PAX7: variants seen among roughly 807,000 people sequenced by gnomAD.
PAX7 encodes paired box protein Pax-7.
PAX7 carries 18 observed loss-of-function variants against 50.7 expected under a neutral mutation model. The observed-to-expected ratio is 0.36, with a 90% CI of 0.25 to 0.53. PAX7 has a LOEUF of 0.53. Ranked by LOEUF, PAX7 falls within the 20% of genes least tolerant of loss-of-function variation. The probability of loss-of-function intolerance (pLI) is 0.93; values close to 1 mark genes in which losing one functional copy is unlikely to be tolerated. For missense variants in PAX7, 644 were observed against 702.9 expected (o/e 0.92, Z 0.95); for synonymous variants, 310 against 290.4 (o/e 1.07, Z -0.69).
chr1:18,656,521 A>G (rs2088524911), intron 4 of PAX7, among the ~76,000 whole-genome samples: 1 of 151,836 alleles, frequency 6.6e-6, no homozygotes, highest in South Asian at 2.1e-4. Context: ...AATAAAATGT[A>G]ACAGGCGGCT....
chr1:18,703,091 C>T lies in PAX7; in HGVS notation c.953-3C>T, dbSNP rs1192276455. 4.3e-6 allele frequency: 7 copies of T among 1,612,956 alleles called. No individual in the cohort carries two copies. Among genetic ancestry groups the T allele is most frequent in the Non-Finnish European group, 5.9e-6 (7 of 1,179,458 alleles). ...TTAGGACCTCTCTTGGGTCTCTCTA[C>T]AGATGGGGGCAGCACTGTGCACCGG... is the stretch of plus-strand genomic sequence containing the variant. On this transcript the variant is annotated splice_polypyrimidine_tract_variant and splice_region_variant and intron_variant, in intron 6 of 8. Coordinates refer to ENST00000420770, the MANE Select transcript of PAX7 (RefSeq NM_001135254.2).
chr1:18,688,500 G>GTAGC lies in PAX7; in HGVS notation c.587-3250_587-3247dup, dbSNP rs1247895876. On this transcript the variant is annotated intron_variant, in intron 4 of 8. Coordinates refer to ENST00000420770, the MANE Select transcript of PAX7 (RefSeq NM_001135254.2). ...AAGTTTCAGGTGCTCAAAACCCCAT[G>GTAGC]TAGCTAGTACTGCCACATTGAACAC... Among the ~76,000 whole-genome samples the GTAGC allele has an allele frequency of 4.6e-5, 7 of 152,352 alleles. No individual in the cohort carries two copies. The East Asian group carries it at 1.3e-3, about 29-fold the overall frequency.
intron 7 of PAX7, among the ~76,000 whole-genome samples, chr1:18,723,735 T>G (rs2089522390): frequency 6.6e-6 from 1 of 152,210 alleles, no homozygotes; most frequent in Non-Finnish European, 1.5e-5. Context: ...CCCAAATGCT[T>G]TCTTTTTCCC....
intron 8 of PAX7, among the ~76,000 whole-genome samples, chr1:18,739,535 C>G (rs575335524): frequency 6.6e-6 from 1 of 152,322 alleles, no homozygotes; most frequent in Admixed American, 6.5e-5. Flanking sequence ...CGTGGTTATT[C>G]CCATTGGACA....
intron 4 of PAX7, among the ~76,000 whole-genome samples, chr1:18,640,751 C>T (rs2088238678): frequency 2.6e-5 from 4 of 151,318 alleles, no homozygotes; most frequent in Admixed American, 2.6e-4. Flanking sequence ...GGGTGTCAGG[C>T]AATTCCCGGC....
chr1:18,742,245 C>A (rs1050854693), intron 8 of PAX7, among the ~76,000 whole-genome samples: 1 of 149,924 alleles, frequency 6.7e-6, no homozygotes, highest in Non-Finnish European at 1.5e-5. Context: ...GCAAGCTCCG[C>A]CTCCCAGGTT....
chr1:18,742,148 C>CTT lies in PAX7; in HGVS notation c.1403-2640_1403-2639dup, dbSNP rs61248648. Reference sequence around the variant, plus strand: ...GACTGTCCCTCTAAGAATGAGGCTTCTTTTTTTTTTTTTTTTTTTTTTTTT... The same window carrying CTT: ...GACTGTCCCTCTAAGAATGAGGCTTCTTTTTTTTTTTTTTTTTTTTTTTTTTT... On this transcript the variant is annotated intron_variant, in intron 8 of 8. Transcript: ENST00000420770. Among the ~76,000 whole-genome samples, 80 of 103,570 alleles carry CTT rather than the reference C, an allele frequency of 7.7e-4. 2 individuals carry two copies. Among genetic ancestry groups the CTT allele is most frequent in the African/African-American group, 1.6e-3 (39 of 24,786 alleles). 67.9% of individuals were successfully genotyped at this position (103,570 alleles called of 152,430 possible).
chr1:18,635,804 TTG>T (rs1025305717), intron 3 of PAX7, among the ~76,000 whole-genome samples: 5 of 150,382 alleles, frequency 3.3e-5, no homozygotes, highest in East Asian at 4.0e-4. Flanking sequence ...AAGTGATCTG[TTG>T]TGTGTGTGTG....
intron 7 of PAX7, among the ~76,000 whole-genome samples, chr1:18,732,358 T>A (rs987852626): frequency 3.9e-5 from 6 of 152,292 alleles, no homozygotes; most frequent in Non-Finnish European, 8.8e-5. Context: ...GTTAAAGGAA[T>A]ACACATGAAT....
rs200862549 is a variant in PAX7 at position 18,631,660 on chromosome 1, C to G, written c.57C>G (p.Asn19Lys). 3.3e-5 allele frequency: 54 copies of G among 1,613,094 alleles called. 1 individual carries two copies. In the Admixed American group the frequency reaches 9.0e-4, roughly 27 times the overall value. Residue 19 changes from asparagine to lysine, a missense_variant, in exon 1 of 9, where the codon AAC becomes AAG. Asn to Lys is a moderately conservative substitution (Grantham distance 94). Coordinates refer to ENST00000420770, the MANE Select transcript of PAX7 (RefSeq NM_001135254.2). Reference protein sequence around the residue: ...PRMMRPAPGQNYPRTGFPLEV... With the variant: ...PRMMRPAPGQKYPRTGFPLEV... The stretch of plus-strand genomic sequence containing the variant: ...TGATGCGGCCGGCTCCGGGGCAGAA[C>G]TACCCCCGCACGGGATTCCCTTTGG...
At chr1:18,642,860 A>G (rs2088277738) in intron 4 of PAX7, among the ~76,000 whole-genome samples, 5 of 147,196 alleles carry the variant, frequency 3.4e-5, no homozygotes, top group Admixed American at 6.8e-5. Flanking sequence ...GGGGTGGGGG[A>G]GAGGTGAGGC....
At chr1:18,722,323 G>T (rs1269899786) in intron 7 of PAX7, among the ~76,000 whole-genome samples, 1 of 151,996 alleles carries the variant, frequency 6.6e-6, no homozygotes, top group Admixed American at 6.6e-5. Flanking sequence ...CGCCTTTCCA[G>T]CCTGCATCGC....
At position 18,727,350 on chromosome 1, in the gene PAX7, CCTCTCT is replaced by C. The variant is rs56128615; in HGVS notation, c.1156-8268_1156-8263del. The stretch of plus-strand genomic sequence containing the variant: ...TTCACACATGCACACACTCTCTCAT[CCTCTCT>C]CTCTCTCTCTCTCATACACACACAC... On this transcript the variant is annotated intron_variant, in intron 7 of 8. Transcript: ENST00000420770. Among the ~76,000 whole-genome samples the C allele has an allele frequency of 6.2e-3, 841 of 135,540 alleles. 5 individuals are homozygous for C. Among genetic ancestry groups the C allele is most frequent in the South Asian group, 0.012 (47 of 3,968 alleles). The allele number at this position is 135,540 out of a possible 152,430, so 88.9% of individuals were successfully genotyped here. A position where few individuals can be genotyped will look rare whatever the true frequency, so the allele number is the denominator to read the frequency against.
intron 7 of PAX7, among the ~76,000 whole-genome samples, chr1:18,724,340 A>G (rs891345289): frequency 6.6e-6 from 1 of 152,224 alleles, no homozygotes; most frequent in Non-Finnish European, 1.5e-5. Context: ...TGGTGAAGGC[A>G]GTGGAGGGTC....
chr1:18,743,016 C>A (rs375947166), intron 8 of PAX7, among the ~76,000 whole-genome samples: 160 of 152,276 alleles, frequency 1.1e-3, no homozygotes, highest in African/African-American at 3.5e-3. Context: ...CTGCAGCCAC[C>A]TCATCTGCTG....
intron 8 of PAX7, chr1:18,736,087 C>T (rs1222536960): frequency 1.2e-6 from 1 of 848,628 alleles, no homozygotes; most frequent in Non-Finnish European, 1.9e-6. Context: ...GGCTAAGCCT[C>T]TGCTTCCGTA....
intron 4 of PAX7, among the ~76,000 whole-genome samples, chr1:18,662,725 C>T (rs1174554531): frequency 3.3e-5 from 5 of 152,116 alleles, no homozygotes; most frequent in Non-Finnish European, 7.3e-5. Context: ...GACACGCCAT[C>T]ATGCTCAGTT....
chr1:18,640,331 T>C (rs1464544647), intron 4 of PAX7, among the ~76,000 whole-genome samples: 1 of 152,078 alleles, frequency 6.6e-6, no homozygotes, highest in East Asian at 1.9e-4. Context: ...TGATTGTGTG[T>C]ACAAGGACCT....
chr1:18,712,957 C>A (rs2089374302), intron 7 of PAX7, among the ~76,000 whole-genome samples: 1 of 152,146 alleles, frequency 6.6e-6, no homozygotes, highest in Non-Finnish European at 1.5e-5. Flanking sequence ...TGGTGCATGC[C>A]TGTAATCCCA....
Sources: gnomAD v4.1 joint callset for allele counts (sites outside exome capture counted in the v4.1 genomes callset) on GRCh38, gnomAD v4.1.1 for gene constraint, MANE v1.5 for transcripts, NCBI Gene and HGNC (gene_info 2026-07-23, HGNC 2026-07-21) for gene names.